The following SCCPDH variants were observed in gnomAD, a reference collection of about 807,000 sequenced individuals.
The protein encoded by SCCPDH is saccharopine dehydrogenase (putative).
A neutral mutation model predicts 51.5 loss-of-function variants in SCCPDH; 34 were observed. That is an observed-to-expected ratio of 0.66 (90% CI 0.50 to 0.88). The LOEUF (loss-of-function observed/expected upper bound fraction) is 0.88, where lower values mean the gene tolerates loss of function less well. SCCPDH is among the 40% of genes least tolerant of loss of function. SCCPDH has a pLI of 0.00. For missense variants in SCCPDH, 464 were observed against 527.1 expected (o/e 0.88, Z 1.17); for synonymous variants, 187 against 191.3 (o/e 0.98, Z 0.19).
chr1:246,740,085 G>T (rs916628896), intron 3 of SCCPDH, 87 bp from the exon 4 acceptor site: 132 of 1,084,178 alleles, frequency 1.2e-4, no homozygotes, highest in Non-Finnish European at 1.7e-4. Flanking sequence ...TCAAAGTTTG[G>T]TTGCTTTGTT....
At chr1:246,733,391 G>C (rs368968948) in intron 2 of SCCPDH, among the ~76,000 whole-genome samples, 1 of 151,416 alleles carries the variant, frequency 6.6e-6, no homozygotes, top group African/African-American at 2.4e-5. Flanking sequence ...CTGGCCATGT[G>C]TTTATATATA....
chr1:246,743,962 C>T (rs1385467144), intron 4 of SCCPDH, 114 bp from the exon 5 acceptor site: 1 of 623,982 alleles, frequency 1.6e-6, no homozygotes, highest in Admixed American at 2.8e-5. Flanking sequence ...TCTGTGTCAG[C>T]TGTAGGCTTA....
At chr1:246,765,583 GA>G (rs1338725802) in intron 10 of SCCPDH, among the ~76,000 whole-genome samples, 1 of 152,054 alleles carries the variant, frequency 6.6e-6, no homozygotes, top group Non-Finnish European at 1.5e-5. Flanking sequence ...AAATTGAGAG[GA>G]TTTTTTTGTT....
chr1:246,736,090 C>T (rs1304276897), intron 3 of SCCPDH, 35 bp downstream of exon 3: 2 of 1,445,018 alleles, frequency 1.4e-6, no homozygotes, highest in East Asian at 4.5e-5. Flanking sequence ...GTAGAATTAA[C>T]ACATAAATTT....
At chr1:246,749,481 G>A (rs1197500059) in intron 5 of SCCPDH, among the ~76,000 whole-genome samples, 3 of 152,136 alleles carry the variant, frequency 2.0e-5, no homozygotes, top group African/African-American at 7.2e-5. Flanking sequence ...ATCCTATGGG[G>A]TCCTTCCCTG....
intron 4 of SCCPDH, among the ~76,000 whole-genome samples, chr1:246,743,581 C>CAA (rs530930261): frequency 8.8e-5 from 12 of 135,866 alleles, no homozygotes; most frequent in Admixed American, 3.6e-4. Context: ...GACTCTGTCT[C>CAA]AAAAAAAAAA....
At chr1:246,732,468 A>G (rs553091807) in intron 2 of SCCPDH, among the ~76,000 whole-genome samples, 1 of 151,884 alleles carries the variant, frequency 6.6e-6, no homozygotes, top group African/African-American at 2.4e-5. Flanking sequence ...GCTCACTGCA[A>G]CCTCCACCTC....
At chr1:246,744,010 ATTAC>A (rs1668719300) in intron 4 of SCCPDH, 62 bp from the exon 5 acceptor site, 9 of 970,356 alleles carry the variant, frequency 9.3e-6, no homozygotes, top group Admixed American at 6.1e-5. Context: ...ATTGTTTATT[ATTAC>A]TTACCCCAAA....
chr1:246,741,984 G>A (rs992031748), intron 4 of SCCPDH, among the ~76,000 whole-genome samples: 86 of 152,292 alleles, frequency 5.6e-4, no homozygotes, highest in African/African-American at 2.0e-3. Flanking sequence ...CAGGAGAATC[G>A]CTTGAACCCC....
At chr1:246,725,709 G>A (rs556026949) in intron 1 of SCCPDH, among the ~76,000 whole-genome samples, 3 of 152,302 alleles carry the variant, frequency 2.0e-5, no homozygotes, top group East Asian at 3.9e-4. Context: ...TCCAACAGAA[G>A]TAATTTTACT....
rs766966272 is a variant in SCCPDH at position 246,760,270 on chromosome 1, T to G, written c.990+43T>G. 107 of 1,527,072 alleles carry G rather than the reference T, an allele frequency of 7.0e-5. No homozygotes were observed. In the Middle Eastern group the frequency reaches 9.0e-4, roughly 13 times the overall value. The allele number at this position is 1,527,072 out of a possible 1,614,324, so 94.6% of individuals were successfully genotyped here. ...AAGACACTAAAATAATATTTTTCTTTGTGCAATGACGGTATCATCTAACAC... is the reference window on the plus strand; with the variant it reads ...AAGACACTAAAATAATATTTTTCTTGGTGCAATGACGGTATCATCTAACAC... On this transcript the variant is annotated intron_variant, in intron 9 of 11. Transcript: ENST00000366510.
chr1:246,765,227 TTGTGAACTGTAGTATAATTACTGTCAGCC>T, intron 10 of SCCPDH, among the ~76,000 whole-genome samples: 1 of 146,860 alleles, frequency 6.8e-6, no homozygotes, highest in Non-Finnish European at 1.5e-5. Flanking sequence ...ACAGGTCCAC[TTGTGAACTGTAGTATAATTACTGTCAGCC>T]CTTTTAGGTC....
chr1:246,758,535 AGATAT>A, intron 6 of SCCPDH, among the ~76,000 whole-genome samples, 179 bp downstream of exon 6: 1 of 152,338 alleles, frequency 6.6e-6, no homozygotes, highest in Admixed American at 6.5e-5. Flanking sequence ...GAGATAAATA[AGATAT>A]AATTAATCCA....
intron 3 of SCCPDH, among the ~76,000 whole-genome samples, chr1:246,737,435 T>G (rs895698182): frequency 6.6e-6 from 1 of 151,962 alleles, no homozygotes; most frequent in Non-Finnish European, 1.5e-5. Context: ...TGAGCTATGA[T>G]CATGCCACTG....
intron 5 of SCCPDH, among the ~76,000 whole-genome samples, chr1:246,752,211 T>C (rs922304368): frequency 2.6e-5 from 4 of 152,232 alleles, no homozygotes; most frequent in Admixed American, 6.5e-5. Flanking sequence ...GACTTAACTT[T>C]TAGCAAACTT....
intron 9 of SCCPDH, among the ~76,000 whole-genome samples, chr1:246,761,098 G>A (rs982287291): frequency 1.3e-5 from 2 of 150,698 alleles, no homozygotes; most frequent in Admixed American, 6.6e-5. Context: ...GCTAATCCCC[G>A]CCTGTGCACT....
intron 3 of SCCPDH, among the ~76,000 whole-genome samples, chr1:246,739,738 A>C (rs1668650003): frequency 6.6e-6 from 1 of 152,198 alleles, no homozygotes; most frequent in Non-Finnish European, 1.5e-5. Context: ...AACAGGCAGA[A>C]GAGCAGAGCA....
At chr1:246,737,732 C>T (rs1302580839) in intron 3 of SCCPDH, among the ~76,000 whole-genome samples, 3 of 151,932 alleles carry the variant, frequency 2.0e-5, no homozygotes, top group Non-Finnish European at 4.4e-5. Context: ...GCTGGGGGTA[C>T]AGGTGCACAC....
rs201724601 is a variant in SCCPDH at position 246,767,334 on chromosome 1, G to A, written c.*34G>A. The A allele has an allele frequency of 4.3e-5, 54 of 1,269,890 alleles. No individual in the cohort carries two copies. Among genetic ancestry groups the A allele is most frequent in the Admixed American group, 3.0e-4 (14 of 46,502 alleles). The allele number at this position is 1,269,890 out of a possible 1,614,324, so 78.7% of individuals were successfully genotyped here. A position where few individuals can be genotyped will look rare whatever the true frequency, so the allele number is the denominator to read the frequency against. On this transcript the variant is annotated 3_prime_UTR_variant, in exon 12 of 12. Coordinates refer to ENST00000366510, the MANE Select transcript of SCCPDH (RefSeq NM_016002.3). ...AGAATTAACTGAAGTCATAACGTGC[G>A]TGAATTAACAGCTTCTCTATTTGAT...
Sources: allele counts gnomAD v4.1 joint callset (sites outside exome capture counted in the v4.1 genomes callset), GRCh38; gene constraint gnomAD v4.1.1; transcripts MANE v1.5; gene names NCBI Gene and HGNC (gene_info 2026-07-23, HGNC 2026-07-21).